The following PRAMEF12 variants were observed in gnomAD, a reference collection of about 807,000 sequenced individuals.
The protein encoded by PRAMEF12 is PRAME family member 12.
Under a neutral mutation model 24.6 loss-of-function variants are expected in PRAMEF12, and 24 were observed. The observed-to-expected ratio is 0.98, with a 90% CI of 0.71 to 1.37. PRAMEF12 has a LOEUF of 1.37. Ranked by LOEUF, PRAMEF12 falls within the 40% of genes most tolerant of loss-of-function variation. PRAMEF12 has a pLI of 0.00. For missense variants in PRAMEF12, 646 were observed against 580.3 expected, an observed-to-expected ratio of 1.11 and a Z score of -1.16; for synonymous variants, 286 against 242.6, an observed-to-expected ratio of 1.18 and a Z score of -1.66.
rs1442900249 is a variant in PRAMEF12, at chr1:12,776,128, T to G, written c.863+10T>G. The G allele has an allele frequency of 6.2e-7, 1 of 1,611,008 alleles. No individual in the cohort carries two copies. Among genetic ancestry groups the G allele is most frequent in the Non-Finnish European group, 8.5e-7 (1 of 1,177,264 alleles). On this transcript the variant is annotated intron_variant, in intron 2 of 2. Coordinates refer to ENST00000357726, the MANE Select transcript of PRAMEF12 (RefSeq NM_001080830.5). ...TGGACCAGCTGCTCAGGTGAGGAAG[T>G]ATGGTGAGCTTTCTCTGCAGACCGC... is the stretch of plus-strand genomic sequence containing the variant.
At position 12,775,126 on chromosome 1, in the gene PRAMEF12, G is replaced by T. The variant is rs372248134; in HGVS notation, c.259G>T (p.Ala87Ser). 35 of 1,613,066 alleles carry T rather than the reference G, an allele frequency of 2.2e-5. No individual in the cohort carries two copies. Among genetic ancestry groups the T allele is most frequent in the Non-Finnish European group, 2.8e-5 (33 of 1,179,468 alleles). The change falls in exon 1 of 3, where the codon GCA becomes TCA. Residue 87 changes from alanine (A) to serine (S), a missense_variant. Coordinates refer to ENST00000357726, the MANE Select transcript of PRAMEF12 (RefSeq NM_001080830.5). ...TCGAGCTGTGCTGGAGGGGCTTGAT[G>T]CACTGCTTGCCCAGAAGGTTCGCCC... is the stretch of plus-strand genomic sequence containing the variant. ...IFRAVLEGLD[A>S]LLAQKVRPRR...
In PRAMEF12 at chr1:12,773,901, G is replaced by A. The variant is rs1201713740; in HGVS notation, c.-967G>A. Among the ~76,000 whole-genome samples, 1 of 152,204 alleles carries A rather than the reference G, an allele frequency of 6.6e-6. No homozygotes were observed. Among genetic ancestry groups the A allele is most frequent in the Non-Finnish European group, 1.5e-5 (1 of 68,050 alleles). ...GGATGGTGACATGCAGCCCAAGGTG[G>A]CAGAGAGAATTTTCTTGTCTGTTTT... On this transcript the variant is annotated 5_prime_UTR_variant, in exon 1 of 3. The change creates a premature stop within an existing upstream ORF in the 5' untranslated region. Coordinates refer to ENST00000357726, the MANE Select transcript of PRAMEF12 (RefSeq NM_001080830.5).
chr1:12,776,045 A>T lies in PRAMEF12; in HGVS notation c.790A>T (p.Lys264Ter). ...FVIQFTSQFL[K>*]LDYFQKLYMH... ...CATCCAGTTCACCTCTCAGTTCCTCAAGCTGGACTACTTCCAGAAGCTTTA... is the reference window on the plus strand; with the variant it reads ...CATCCAGTTCACCTCTCAGTTCCTCTAGCTGGACTACTTCCAGAAGCTTTA... The change falls in exon 2 of 3, where the codon AAG becomes TAG. Residue 264 changes from lysine to a stop codon, truncating the protein, a stop_gained. Coordinates refer to ENST00000357726, the MANE Select transcript of PRAMEF12 (RefSeq NM_001080830.5). LOFTEE classifies it high-confidence loss of function. 1 of 1,614,128 alleles carries T rather than the reference A, an allele frequency of 6.2e-7. No individual in the cohort carries two copies. The highest frequency in any genetic ancestry group is 8.5e-7 in the Non-Finnish European group (1 of 1,180,016).
chr1:12,774,730 G>A lies in PRAMEF12; in HGVS notation c.-138G>A, dbSNP rs1639021832. ...AGCAAGGGCAGAATTACAGATTTGT[G>A]TCCAGAAAGTGCAGAGTGGAATTGG... On this transcript the variant is annotated 5_prime_UTR_variant, in exon 1 of 3. Transcript: ENST00000357726. The A allele has an allele frequency of 1.3e-6, 1 of 793,812 alleles. No homozygotes were observed. Among genetic ancestry groups the A allele is most frequent in the East Asian group, 2.7e-5 (1 of 37,382 alleles). 49.2% of individuals were successfully genotyped at this position (793,812 alleles called of 1,614,324 possible).
chr1:12,775,562 T>C lies in PRAMEF12; in HGVS notation c.307T>C (p.Leu103=). 1 of 1,611,276 alleles carries C rather than the reference T, an allele frequency of 6.2e-7. No homozygotes were observed. Among genetic ancestry groups the C allele is most frequent in the Admixed American group, 1.7e-5 (1 of 59,806 alleles). ...VRPRRWKLQV[L]DLRNVDENFW... is the part of the protein sequence containing the mutation. ...CCACAGGCGGTGGAAACTTCAAGTG[T>C]TGGACTTGCGGAATGTGGATGAGAA... Residue 103 remains leucine (L), a synonymous_variant, in exon 2 of 3, where the codon TTG becomes CTG. Coordinates refer to ENST00000357726, the MANE Select transcript of PRAMEF12 (RefSeq NM_001080830.5).
At chr1:12,776,967 T>A in intron 2 of PRAMEF12, 44 bp from the exon 3 acceptor site, 1 of 1,555,376 alleles carries the variant, frequency 6.4e-7, no homozygotes, top group Admixed American at 1.8e-5. Flanking sequence ...CACCTTGAGG[T>A]CTTCCCCACC....
rs892064033 is a variant in PRAMEF12 at position 12,774,446 on chromosome 1, C to T, written c.-422C>T. 2.0e-5 allele frequency among the ~76,000 whole-genome samples: 3 copies of T among 152,134 alleles called. No homozygotes were observed. The highest frequency in any genetic ancestry group is 2.9e-5 in the Non-Finnish European group (2 of 68,032). ...ATAATGGCGCTGATTCCAAGGAGTCCCTTTAGTCTTCTGCAAGCATGTCAA... is the reference window on the plus strand; with the variant it reads ...ATAATGGCGCTGATTCCAAGGAGTCTCTTTAGTCTTCTGCAAGCATGTCAA... On this transcript the variant is annotated 5_prime_UTR_variant, in exon 1 of 3. Transcript: ENST00000357726.
In PRAMEF12 at chr1:12,777,699, G is replaced by T. The variant is rs751546278; in HGVS notation, c.*100G>T. ...TCATATGCCTGCTCAATGTGAACCG[G>T]AAAGGAAAGGGGATGCAGGAAGGGA... On this transcript the variant is annotated 3_prime_UTR_variant, in exon 3 of 3. Transcript: ENST00000357726. 226 of 1,367,754 alleles carry T rather than the reference G, an allele frequency of 1.7e-4. No homozygotes were observed. Among genetic ancestry groups the T allele is most frequent in the Non-Finnish European group, 2.2e-4 (221 of 995,620 alleles). The allele number at this position is 1,367,754 out of a possible 1,614,324, so 84.7% of individuals were successfully genotyped here.
At chr1:12,775,405 G>A in intron 1 of PRAMEF12, 138 bp from the exon 2 acceptor site, 2 of 1,006,636 alleles carry the variant, frequency 2.0e-6, no homozygotes, top group Non-Finnish European at 3.0e-6. Flanking sequence ...GGACCAGGCA[G>A]GTTTCAAGGA....
In PRAMEF12 at chr1:12,775,602, G is replaced by A; in HGVS notation, c.347G>A (p.Trp116Ter). The A allele has an allele frequency of 1.2e-6, 2 of 1,613,988 alleles. No homozygotes were observed. The highest frequency in any genetic ancestry group is 8.5e-7 in the Non-Finnish European group (1 of 1,179,984). Residue 116 changes from tryptophan to a stop codon, truncating the protein, a stop_gained, in exon 2 of 3, where the codon TGG becomes TAG. Transcript: ENST00000357726. LOFTEE classifies it high-confidence loss of function. The part of the protein sequence containing the change: ...RNVDENFWGI[W>*]SGASALSPEA... ...GTGGATGAGAACTTCTGGGGCATAT[G>A]GTCTGGAGCTTCTGCACTCTCCCCA...
Position 12,777,329 on chromosome 1 carries a change from G to A in PRAMEF12, c.1182G>A (p.Glu394=), listed in dbSNP as rs1417837098. 4.3e-6 allele frequency: 7 copies of A among 1,613,138 alleles called. No homozygotes were observed. The highest frequency in any genetic ancestry group is 5.9e-6 in the Non-Finnish European group (7 of 1,179,862). Residue 394 remains glutamate (E), a synonymous_variant, in exon 3 of 3, where the codon GAG becomes GAA. Transcript: ENST00000357726. ...CGNLISMAAL[E]NLLRHTVGLS... The stretch of plus-strand genomic sequence containing the variant: ...ACCTCATCTCCATGGCCGCCCTGGA[G>A]AACCTGCTGCGCCACACCGTCGGGC...
rs1414748291 is a variant in PRAMEF12, at chr1:12,777,125, G to C, written c.978G>C (p.Leu326=). Reference sequence around the variant, plus strand: ...TCCGTCAGCTAAAAGAGCTAGACCTGAGGGGCATCACACTGACCCATTTCA... The same window carrying C: ...TCCGTCAGCTAAAAGAGCTAGACCTCAGGGGCATCACACTGACCCATTTCA... ...PSIRQLKELD[L]RGITLTHFSP... is the part of the protein sequence containing the mutation. Residue 326 remains leucine (L), a synonymous_variant, in exon 3 of 3, where the codon CTG becomes CTC. Transcript: ENST00000357726. 1 of 1,613,858 alleles carries C rather than the reference G, an allele frequency of 6.2e-7. No homozygotes were observed. Among genetic ancestry groups the C allele is most frequent in the Non-Finnish European group, 8.5e-7 (1 of 1,180,006 alleles).
Position 12,774,748 on chromosome 1 carries a change from G to A in PRAMEF12, c.-120G>A. The stretch of plus-strand genomic sequence containing the variant: ...GATTTGTGTCCAGAAAGTGCAGAGT[G>A]GAATTGGGGTGAACTAATTACCTTT... On this transcript the variant is annotated 5_prime_UTR_variant, in exon 1 of 3. It introduces an in-frame stop codon into an upstream open reading frame of the 5' UTR. Transcript: ENST00000357726. The A allele has an allele frequency of 3.2e-6, 3 of 934,952 alleles. No individual in the cohort carries two copies. The highest frequency in any genetic ancestry group is 4.8e-6 in the Non-Finnish European group (3 of 622,018). 57.9% of individuals were successfully genotyped at this position (934,952 alleles called of 1,614,324 possible).
chr1:12,774,769 C>A lies in PRAMEF12; in HGVS notation c.-99C>A. On this transcript the variant is annotated 5_prime_UTR_variant, in exon 1 of 3. Coordinates refer to ENST00000357726, the MANE Select transcript of PRAMEF12 (RefSeq NM_001080830.5). The stretch of plus-strand genomic sequence containing the variant: ...GAGTGGAATTGGGGTGAACTAATTA[C>A]CTTTCCACCTCTACCAGAGCAATGA... The A allele has an allele frequency of 8.1e-7, 1 of 1,237,588 alleles. No individual in the cohort carries two copies. Among genetic ancestry groups the A allele is most frequent in the Non-Finnish European group, 1.1e-6 (1 of 885,534 alleles). The allele number at this position is 1,237,588 out of a possible 1,614,324, so 76.7% of individuals were successfully genotyped here.
In PRAMEF12 at chr1:12,774,508, A is replaced by G. The variant is rs1639019785; in HGVS notation, c.-360A>G. 6.6e-6 allele frequency among the ~76,000 whole-genome samples: 1 copy of G among 152,242 alleles called. No individual in the cohort carries two copies. Among genetic ancestry groups the G allele is most frequent in the East Asian group, 1.9e-4 (1 of 5,204 alleles). On this transcript the variant is annotated 5_prime_UTR_variant, in exon 1 of 3. Transcript: ENST00000357726. ...GAGAATGTAGGCTGTGTGGGGCCAC[A>G]GGACATTCTCGTTCCCATTGTTTTA...
chr1:12,776,128 T>C lies in PRAMEF12; in HGVS notation c.863+10T>C. 1 of 1,611,008 alleles carries C rather than the reference T, an allele frequency of 6.2e-7. No homozygotes were observed. Among genetic ancestry groups the C allele is most frequent in the South Asian group, 1.1e-5 (1 of 90,970 alleles). The stretch of plus-strand genomic sequence containing the variant: ...TGGACCAGCTGCTCAGGTGAGGAAG[T>C]ATGGTGAGCTTTCTCTGCAGACCGC... On this transcript the variant is annotated intron_variant, in intron 2 of 2. Transcript: ENST00000357726.
chr1:12,775,264 C>A, intron 1 of PRAMEF12, 110 bp downstream of exon 1: 1 of 1,268,792 alleles, frequency 7.9e-7, no homozygotes, highest in Non-Finnish European at 1.1e-6. Flanking sequence ...TCTGATGGGG[C>A]TGGGGAGGAA....
chr1:12,775,908 T>C lies in PRAMEF12; in HGVS notation c.653T>C (p.Ile218Thr), dbSNP rs1639044350. Residue 218 changes from isoleucine (I) to threonine (T), a missense_variant, in exon 2 of 3, where the codon ATT becomes ACT. By Grantham distance (89) the Ile-to-Thr change is moderately conservative. Transcript: ENST00000357726. Reference protein sequence around the residue: ...VEVCCPWELSILIRFAPYLGQ... With the variant: ...VEVCCPWELSTLIRFAPYLGQ... Reference sequence around the variant, plus strand: ...GTGTGCTGCCCGTGGGAGCTGTCCATTCTTATAAGGTTCGCCCCTTACCTG... The same window carrying C: ...GTGTGCTGCCCGTGGGAGCTGTCCACTCTTATAAGGTTCGCCCCTTACCTG... 3.1e-6 allele frequency: 5 copies of C among 1,614,046 alleles called. No individual in the cohort carries two copies. The highest frequency in any genetic ancestry group is 4.2e-6 in the Non-Finnish European group (5 of 1,179,988).
At chr1:12,775,521 C>A (rs1386164139) in intron 1 of PRAMEF12, 22 bp from the exon 2 acceptor site, 2 of 1,581,774 alleles carry the variant, frequency 1.3e-6, no homozygotes, top group Non-Finnish European at 1.7e-6. Context: ...AATTTGGAGC[C>A]TCTCTTCTCT....
Sources: allele counts gnomAD v4.1 joint callset (sites outside exome capture counted in the v4.1 genomes callset), GRCh38; gene constraint gnomAD v4.1.1; transcripts MANE v1.5; gene names NCBI Gene and HGNC (gene_info 2026-07-23, HGNC 2026-07-21).